AHRR: variants seen among roughly 807,000 people sequenced by gnomAD.
AHRR encodes aryl hydrocarbon receptor repressor, also known as ahR repressor.
Under a neutral mutation model 44.0 loss-of-function variants are expected in AHRR, and 28 were observed. The observed-to-expected ratio is 0.64, with a 90% CI of 0.47 to 0.87. The LOEUF is 0.87. Among genes scored for constraint, AHRR ranks in the 40% least tolerant of loss-of-function variants. The pLI is 0.00. For synonymous variants in AHRR, 434 were observed against 407.0 expected, an observed-to-expected ratio of 1.07 and a Z score of -0.80; for missense variants, 990 against 953.9, an observed-to-expected ratio of 1.04 and a Z score of -0.50.
rs370682493 is a variant in AHRR at position 427,809 on chromosome 5, G to A, written c.711G>A (p.Thr237=). 16 of 1,613,988 alleles carry A rather than the reference G, an allele frequency of 9.9e-6. No homozygotes were observed. The highest frequency in any genetic ancestry group is 6.7e-5 in the East Asian group (3 of 44,900). Residue 237 remains threonine, a splice_region_variant and synonymous_variant, in exon 8 of 11, where the codon ACG becomes ACA. Coordinates refer to ENST00000684583, the MANE Select transcript of AHRR (RefSeq NM_001377236.1). The part of the protein sequence containing the change: ...CLLDSTSGFL[T]MQFQGKLKFL... ...CCTCTCTGTCTTTAAAACACCAGAC[G>A]ATGCAGTTTCAAGGAAAACTAAAAT...
intron 1 of AHRR, among the ~76,000 whole-genome samples, chr5:339,073 T>C (rs1209528904): frequency 6.6e-6 from 1 of 152,176 alleles, no homozygotes; most frequent in East Asian, 1.9e-4. Context: ...CAGTAATTAG[T>C]TATAGGTAAT....
intron 4 of AHRR, among the ~76,000 whole-genome samples, chr5:386,641 T>C (rs894628626): frequency 6.6e-6 from 1 of 152,246 alleles, no homozygotes; most frequent in African/African-American, 2.4e-5. Context: ...GGCTCCTCGC[T>C]TTAGCCCACG....
chr5:396,077 A>G (rs1734691437), intron 4 of AHRR, among the ~76,000 whole-genome samples: 1 of 152,132 alleles, frequency 6.6e-6, no homozygotes, highest in Admixed American at 6.5e-5. Flanking sequence ...CCGGGAGGGT[A>G]AGAGAGGGAT....
rs757432497 is a variant in AHRR, at chr5:353,736, C to T, written c.69C>T (p.Pro23=). The T allele has an allele frequency of 7.0e-5, 113 of 1,608,062 alleles. 1 individual carries two copies. Among genetic ancestry groups the T allele is most frequent in the Admixed American group, 3.9e-4 (23 of 59,652 alleles). ...CCAGACCATCTCCCCACAGGAGGCC[C>T]GCCGTGGGGGCAGAGAAGTCCAACC... The part of the protein sequence containing the change: ...KRRRPLQKQR[P]AVGAEKSNPS... Residue 23 remains proline, a synonymous_variant, in exon 3 of 11, where the codon CCC becomes CCT. Transcript: ENST00000684583.
rs1735194566 is a variant in AHRR, at chr5:404,948, C to T, written c.352-8396C>T. ...CTGTCTTCACACTCCCCGCGGGGTC[C>T]ATTTCATGTCCTGCTGATTAATCCA... On this transcript the variant is annotated intron_variant, in intron 4 of 10. Transcript: ENST00000684583. The surrounding 1 kb of genome is among the most constrained non-coding windows in gnomAD (Gnocchi z 4.1). 6.6e-6 allele frequency among the ~76,000 whole-genome samples: 1 copy of T among 152,150 alleles called. No homozygotes were observed. Among genetic ancestry groups the T allele is most frequent in the Non-Finnish European group, 1.5e-5 (1 of 68,030 alleles).
chr5:343,331 G>T (rs1326506783), intron 1 of AHRR, among the ~76,000 whole-genome samples: 3 of 145,638 alleles, frequency 2.1e-5, no homozygotes, highest in Non-Finnish European at 4.6e-5. Flanking sequence ...AGGGGTGACA[G>T]GAACGTGGGA....
rs1043454819 is a variant in AHRR at position 370,097 on chromosome 5, C to T, written c.245-6513C>T. Among the ~76,000 whole-genome samples, 3 of 150,272 alleles carry T rather than the reference C, an allele frequency of 2.0e-5. No homozygotes were observed. The highest frequency in any genetic ancestry group is 4.4e-5 in the Non-Finnish European group (3 of 67,760). ...GGGCCCTCGCTGGAAGCCCCGTCCT[C>T]CCGGGCCCTCGCTGGAAGCCCCGTC... On this transcript the variant is annotated intron_variant, in intron 3 of 10. Coordinates refer to ENST00000684583, the MANE Select transcript of AHRR (RefSeq NM_001377236.1). The surrounding 1 kb of genome is among the most constrained non-coding windows in gnomAD (Gnocchi z 4.5).
chr5:331,489 T>C (rs1741910109), intron 1 of AHRR, among the ~76,000 whole-genome samples: 1 of 152,226 alleles, frequency 6.6e-6, no homozygotes, highest in Non-Finnish European at 1.5e-5. Context: ...TTGTTATTTC[T>C]TTTCTTCTGC....
In AHRR at chr5:423,975, C is replaced by T. The variant is rs771563535; in HGVS notation, c.706C>T (p.Leu236=). ...CCTGCTGGACAGCACCTCGGGCTTC[C>T]TGGTGAGTGCGTGGGTCCCTGGCAG... ...RCLLDSTSGF[L]TMQFQGKLKF... The change falls in exon 7 of 11, where the codon CTG becomes TTG. Residue 236 remains leucine, a splice_region_variant and synonymous_variant. Transcript: ENST00000684583. The T allele has an allele frequency of 4.4e-6, 7 of 1,598,550 alleles. No individual in the cohort carries two copies. The highest frequency in any genetic ancestry group is 2.2e-5 in the South Asian group (2 of 90,930).
intron 6 of AHRR, among the ~76,000 whole-genome samples, chr5:423,474 C>T (rs976989812): frequency 8.5e-5 from 13 of 152,302 alleles, no homozygotes; most frequent in African/African-American, 2.6e-4. Flanking sequence ...CCTGGGTTCT[C>T]TCGCACGTAT....
chr5:341,505 CTCCTT>C (rs1210067982), intron 1 of AHRR, among the ~76,000 whole-genome samples: 20 of 147,254 alleles, frequency 1.4e-4, no homozygotes, highest in African/African-American at 3.3e-4. Context: ...CTCCCCTCCC[CTCCTT>C]TCCTTTCCTT....
chr5:375,926 G>T (rs2126441473), intron 3 of AHRR, among the ~76,000 whole-genome samples: 1 of 152,350 alleles, frequency 6.6e-6, no homozygotes, highest in East Asian at 1.9e-4. Context: ...ACCATCCTCA[G>T]GAGTGGGAGT....
chr5:388,340 A>C lies in AHRR; in HGVS notation c.351+11624A>C, dbSNP rs916686845. The stretch of plus-strand genomic sequence containing the variant: ...TGCGACTGCGCCTGGGGCTGCCCCA[A>C]GACTGTGAAGCTCATGGACTCACGC... On this transcript the variant is annotated intron_variant, in intron 4 of 10. Coordinates refer to ENST00000684583, the MANE Select transcript of AHRR (RefSeq NM_001377236.1). The surrounding 1 kb of genome is among the most constrained non-coding windows in gnomAD (Gnocchi z 5.2). 5.3e-5 allele frequency among the ~76,000 whole-genome samples: 8 copies of C among 152,258 alleles called. No individual in the cohort carries two copies. Among genetic ancestry groups the C allele is most frequent in the Non-Finnish European group, 1.0e-4 (7 of 68,042 alleles).
chr5:339,433 T>C (rs1300071455), intron 1 of AHRR, among the ~76,000 whole-genome samples: 2 of 152,254 alleles, frequency 1.3e-5, no homozygotes, highest in Non-Finnish European at 2.9e-5. Flanking sequence ...TTTGGAATTT[T>C]CTACATGTAC....
chr5:354,187 G>A (rs1350833255), intron 3 of AHRR, among the ~76,000 whole-genome samples: 2 of 152,206 alleles, frequency 1.3e-5, no homozygotes, highest in Non-Finnish European at 2.9e-5. Flanking sequence ...GCCAGTTTGC[G>A]CCTGGGGTCC....
At chr5:420,938 A>AC in intron 5 of AHRR, 1 of 173,962 alleles carries the variant, frequency 5.7e-6, no homozygotes, top group South Asian at 5.4e-5. Flanking sequence ...GCAGCCACCC[A>AC]CCCACACAGG....
chr5:355,778 G>A (rs1043865828), intron 3 of AHRR, among the ~76,000 whole-genome samples: 3 of 152,248 alleles, frequency 2.0e-5, no homozygotes, highest in African/African-American at 7.2e-5. Context: ...GCCCTGCTGG[G>A]AGGTGCCCAC....
chr5:383,661 C>T lies in AHRR; in HGVS notation c.351+6945C>T, dbSNP rs1734068240. 6.6e-6 allele frequency among the ~76,000 whole-genome samples: 1 copy of T among 151,914 alleles called. No homozygotes were observed. ...CACTGTAACCTTGAACTCCTGAGCT[C>T]AAGAGATCCTCCCGCTTCAGCTTCT... On this transcript the variant is annotated intron_variant, in intron 4 of 10. Transcript: ENST00000684583. This position sits in a 1 kb window ranked among gnomAD's most constrained non-coding sequence, Gnocchi z 4.0.
intron 1 of AHRR, among the ~76,000 whole-genome samples, chr5:322,822 C>G (rs1316048360): frequency 6.6e-6 from 1 of 152,254 alleles, no homozygotes; most frequent in African/African-American, 2.4e-5. Context: ...GATGCTGACC[C>G]GGCGGACGCC....
Sources: gnomAD v4.1 joint callset for allele counts (sites outside exome capture counted in the v4.1 genomes callset) on GRCh38, gnomAD v4.1.1 for gene constraint, Gnocchi (gnomAD v3.1) non-coding constraint, MANE v1.5 for transcripts, NCBI Gene and HGNC (gene_info 2026-07-23, HGNC 2026-07-21) for gene names.